Variants in TMEM101 observed in about 807,000 individuals in gnomAD.
TMEM101 encodes the protein putative NF-kappa-B-activating protein 130.
TMEM101 carries 14 observed loss-of-function variants against 26.0 expected under a neutral mutation model. The observed-to-expected ratio is 0.54, with a 90% confidence interval of 0.36 to 0.84. The LOEUF (loss-of-function observed/expected upper bound fraction) is 0.84, where lower values mean the gene tolerates loss of function less well. Among genes scored for constraint, TMEM101 ranks in the 40% least tolerant of loss-of-function variants. The probability of loss-of-function intolerance (pLI) is 0.01; values close to 1 mark genes in which losing one functional copy is unlikely to be tolerated. For missense variants in TMEM101, 292 were observed against 345.1 expected (o/e 0.85, Z 1.22); for synonymous variants, 152 against 145.1 (o/e 1.05, Z -0.34).
At chr17:44,014,792 T>C (rs760169860) in intron 1 of TMEM101, 24 bp downstream of exon 1, 3 of 1,538,922 alleles carry the variant, frequency 1.9e-6, no homozygotes, top group Non-Finnish European at 2.6e-6. Context: ...CTGCCGCGTT[T>C]AGCGGCTGCG....
chr17:44,021,004 C>A (rs181645020), intron 2 of TMEM101, among the ~76,000 whole-genome samples: 1 of 152,284 alleles, frequency 6.6e-6, no homozygotes, highest in Non-Finnish European at 1.5e-5. Flanking sequence ...TACTGTTTTT[C>A]ATCTTTAGGA....
Position 44,014,484 on chromosome 17 carries a change from A to G in TMEM101, c.191T>C (p.Leu64Pro), listed in dbSNP as rs1246532123. The change falls in exon 2 of 4, where the codon CTG (leucine) becomes CCG (proline). Residue 64 changes from leucine to proline, a missense_variant. Leu to Pro is a moderately conservative substitution (Grantham distance 98, BLOSUM62 -3). Around this residue, in one of 2 missense-constraint regions of TMEM101, gnomAD observed 143 missense variants for 133.2 expected, o/e 1.07. Coordinates refer to ENST00000206380, the MANE Select transcript of TMEM101 (RefSeq NM_032376.4). ...GCCAAAGGACATGAAACTAGCGCAC[A>G]GCACGGCTGCCCCCATGTCGAAATA... is the stretch of plus-strand genomic sequence containing the variant. ...YLYFDMGAAV[L>P]CASFMSFGVK... 2 of 1,566,760 alleles carry G rather than the reference A, an allele frequency of 1.3e-6. No individual in the cohort carries two copies. The highest frequency in any genetic ancestry group is 2.3e-5 in the East Asian group (1 of 42,818).
upstream of TMEM101, among the ~76,000 whole-genome samples, chr17:44,017,488 G>A (rs549730445): frequency 6.6e-6 from 1 of 151,680 alleles, no homozygotes; most frequent in African/African-American, 2.4e-5. Context: ...CAGCTACTCG[G>A]GAGGCTGAGG....
At chr17:44,012,397 C>G in intron 3 of TMEM101, 161 bp from the exon 4 acceptor site, 1 of 664,900 alleles carries the variant, frequency 1.5e-6, no homozygotes, top group Non-Finnish European at 2.5e-6. Flanking sequence ...GTCTCCCCCT[C>G]GGACTATGGA....
chr17:44,016,970 T>C (rs951732268), upstream of TMEM101, among the ~76,000 whole-genome samples: 1 of 151,716 alleles, frequency 6.6e-6, no homozygotes, highest in Non-Finnish European at 1.5e-5. Flanking sequence ...CCGTCTCTAC[T>C]AAAAATACAA....
Position 44,021,183 on chromosome 17 carries a change from C to G in TMEM101, c.-210+139G>C, listed in dbSNP as rs547142099. The stretch of plus-strand genomic sequence containing the variant: ...GTTGTTTCTATTGGGGTGGAAATTT[C>G]CTCGGGGGTTGTTGACAAGATACCA... On this transcript the variant is annotated intron_variant, in intron 2 of 4. Transcript: ENST00000585950. The G allele has an allele frequency of 2.0e-5, 3 of 152,252 alleles. No individual in the cohort carries two copies. The South Asian group carries it at 6.2e-4, about 32-fold the overall frequency. The allele number at this position is 152,252 out of a possible 1,614,324, so 9.4% of individuals were successfully genotyped here.
Position 44,012,149 on chromosome 17 carries a change from CGAA to C in TMEM101, c.550_552del (p.Phe184del). 1 of 1,614,224 alleles carries C rather than the reference CGAA, an allele frequency of 6.2e-7. No individual in the cohort carries two copies. The highest frequency in any genetic ancestry group is 8.5e-7 in the Non-Finnish European group (1 of 1,180,042). On this transcript the variant is annotated inframe_deletion, in exon 4 of 4. Transcript: ENST00000206380. ...GCCAGGGCCAGGATGCCATACAGCA[CGAA>C]GAACAGCTGGATCATCAGCTCCCCT...
rs1309691050 is a variant in TMEM101, at chr17:44,014,556, G to A, written c.138-19C>T. 1 of 1,568,602 alleles carries A rather than the reference G, an allele frequency of 6.4e-7. No individual in the cohort carries two copies. Among genetic ancestry groups the A allele is most frequent in the Admixed American group, 1.9e-5 (1 of 52,492 alleles). On this transcript the variant is annotated intron_variant, in intron 1 of 3. Coordinates refer to ENST00000206380, the MANE Select transcript of TMEM101 (RefSeq NM_032376.4). ...GGGCTTCCTGCGAGCCGGGAGTGGG[G>A]AAGCAACGAGGACAGAATGAAGCGG...
chr17:44,012,976 C>T (rs769111226), intron 3 of TMEM101, 33 bp downstream of exon 3: 49 of 1,521,250 alleles, frequency 3.2e-5, no homozygotes, highest in Non-Finnish European at 3.9e-5. Flanking sequence ...CACTCCCAGC[C>T]AGGCACCTCC....
chr17:44,015,834 T>C (rs1329115149), upstream of TMEM101, among the ~76,000 whole-genome samples: 1 of 152,198 alleles, frequency 6.6e-6, no homozygotes, highest in Non-Finnish European at 1.5e-5. Context: ...AGTCACCTCT[T>C]TGGGTTTGCC....
At chr17:44,015,028 G>T, upstream of TMEM101, 1 of 1,506,230 alleles carries the variant, frequency 6.6e-7, no homozygotes. Context: ...GCAGCTTCCG[G>T]GTCAAGCGCT....
At chr17:44,015,714 G>C (rs960350032), upstream of TMEM101, among the ~76,000 whole-genome samples, 2 of 152,154 alleles carry the variant, frequency 1.3e-5, no homozygotes, top group African/African-American at 4.8e-5. Flanking sequence ...CTTTAAATGT[G>C]ACAAGGTCGG....
At position 44,011,952 on chromosome 17, in the gene TMEM101, A is replaced by AG; in HGVS notation, c.749dup (p.Val251CysfsTer6). The AG allele has an allele frequency of 1.2e-6, 2 of 1,611,602 alleles. No homozygotes were observed. Among genetic ancestry groups the AG allele is most frequent in the African/African-American group, 2.7e-5 (2 of 74,920 alleles). ...CTCAGCCATCAGTGGCCAGGATGAC[A>AG]GCAGTTCCGAAGATGCCCACACTCT... On this transcript the variant is annotated frameshift_variant, in exon 4 of 4. Transcript: ENST00000206380. LOFTEE classifies it high-confidence loss of function.
chr17:44,017,146 C>CT (rs577625317), upstream of TMEM101, among the ~76,000 whole-genome samples: 332 of 78,170 alleles, frequency 4.2e-3, no homozygotes, highest in Middle Eastern at 0.014. Context: ...TTGAGAGACT[C>CT]TGTCTCAAAA....
In TMEM101 at chr17:44,014,312, C is replaced by T. The variant is rs927344220; in HGVS notation, c.318+45G>A. 4 of 1,527,470 alleles carry T rather than the reference C, an allele frequency of 2.6e-6. No individual in the cohort carries two copies. In the African/African-American group the frequency reaches 5.5e-5, roughly 21 times the overall value. The allele number at this position is 1,527,470 out of a possible 1,614,324, so 94.6% of individuals were successfully genotyped here. On this transcript the variant is annotated intron_variant, in intron 2 of 3. Transcript: ENST00000206380. ...CAGCCCTGGGCATTGGCCTCTGATT[C>T]CCCGTCACCCAGAGGGAAGACCCTT... is the stretch of plus-strand genomic sequence containing the variant.
chr17:44,019,308 C>T, upstream of TMEM101: 1 of 422,200 alleles, frequency 2.4e-6, no homozygotes, highest in Non-Finnish European at 4.7e-6. Flanking sequence ...TCGGACACTG[C>T]ACTCACCAGA....
In TMEM101 at chr17:44,012,140, C is replaced by T; in HGVS notation, c.562G>A (p.Gly188Ser). 6.2e-7 allele frequency: 1 copy of T among 1,614,258 alleles called. No homozygotes were observed. The highest frequency in any genetic ancestry group is 8.5e-7 in the Non-Finnish European group (1 of 1,180,048). ...LMIQLFFVLY[G>S]ILALAFLSGY... Reference sequence around the variant, plus strand: ...GACAGAAAGGCCAGGGCCAGGATGCCATACAGCACGAAGAACAGCTGGATC... The same window carrying T: ...GACAGAAAGGCCAGGGCCAGGATGCTATACAGCACGAAGAACAGCTGGATC... Residue 188 changes from glycine (G) to serine (S), a missense_variant, in exon 4 of 4, where the codon GGC becomes AGC. Coordinates refer to ENST00000206380, the MANE Select transcript of TMEM101 (RefSeq NM_032376.4).
At chr17:44,014,596 T>TGA in intron 1 of TMEM101, 59 bp from the exon 2 acceptor site, 1 of 1,546,878 alleles carries the variant, frequency 6.5e-7, no homozygotes, top group Non-Finnish European at 8.8e-7. Context: ...GGAAGAAGCT[T>TGA]GAGACCCCTT....
rs765798208 is a variant in TMEM101, at chr17:44,012,119, G to C, written c.583C>G (p.Leu195Val). 1.9e-6 allele frequency: 3 copies of C among 1,614,120 alleles called. No individual in the cohort carries two copies. The highest frequency in any genetic ancestry group is 2.7e-5 in the African/African-American group (2 of 74,940). The stretch of plus-strand genomic sequence containing the variant: ...GCGAGGGTCACGTAGTAGCCTGACA[G>C]AAAGGCCAGGGCCAGGATGCCATAC... ...VLYGILALAF[L>V]SGYYVTLAAQ... The change falls in exon 4 of 4, where the codon CTG (leucine) becomes GTG (valine). Residue 195 changes from leucine (L) to valine (V), a missense_variant. Leu to Val is a conservative substitution (Grantham distance 32). Coordinates refer to ENST00000206380, the MANE Select transcript of TMEM101 (RefSeq NM_032376.4).
Sources: gnomAD v4.1 joint callset for allele counts (sites outside exome capture counted in the v4.1 genomes callset) on GRCh38, gnomAD v4.1.1 for gene constraint, gnomAD v4.1.1 regional missense constraint, MANE v1.5 for transcripts, NCBI Gene and HGNC (gene_info 2026-07-23, HGNC 2026-07-21) for gene names.